Variants in AMPH observed in about 807,000 individuals in gnomAD.
The protein encoded by AMPH is amphiphysin (Stiff-Mann syndrome with breast cancer 128kD autoantigen).
Under a neutral mutation model 99.1 loss-of-function variants are expected in AMPH, and 49 were observed. The ratio of observed to expected loss-of-function variants is 0.49; its 90% confidence interval spans 0.39 to 0.63. The LOEUF (loss-of-function observed/expected upper bound fraction) is 0.63, where lower values mean the gene tolerates loss of function less well. AMPH is among the 20% of genes least tolerant of loss of function. The probability of loss-of-function intolerance (pLI) is 0.00; values close to 1 mark genes in which losing one functional copy is unlikely to be tolerated. For synonymous variants in AMPH, 314 were observed against 317.3 expected (o/e 0.99, Z 0.11); for missense variants, 759 against 863.4 (o/e 0.88, Z 1.52).
intron 2 of AMPH, among the ~76,000 whole-genome samples, chr7:38,517,112 T>C (rs2129032750): frequency 6.6e-6 from 1 of 152,344 alleles, no homozygotes; most frequent in South Asian, 2.1e-4. Context: ...TTTGAGTTAA[T>C]GCTGAAATGA....
intron 1 of AMPH, among the ~76,000 whole-genome samples, chr7:38,622,896 C>T (rs1794121482): frequency 7.9e-5 from 12 of 152,190 alleles, no homozygotes; most frequent in Admixed American, 7.9e-4. Flanking sequence ...AGGCTTCCAG[C>T]TCCTGCCTCC....
At chr7:38,501,450 G>A (rs941087172) in intron 3 of AMPH, among the ~76,000 whole-genome samples, 2 of 152,038 alleles carry the variant, frequency 1.3e-5, no homozygotes, top group African/African-American at 4.8e-5. Flanking sequence ...CTCCCAAAGT[G>A]CTCGGATTAA....
At chr7:38,616,878 T>C (rs1793891052) in intron 1 of AMPH, among the ~76,000 whole-genome samples, 1 of 152,070 alleles carries the variant, frequency 6.6e-6, no homozygotes, top group South Asian at 2.1e-4. Flanking sequence ...GGAAGAGGCA[T>C]GGAGGAGCTA....
chr7:38,441,835 C>CAT (rs1336300006), intron 11 of AMPH, among the ~76,000 whole-genome samples: 2,202 of 118,382 alleles, frequency 0.019, 73 homozygotes, highest in African/African-American at 0.051. Flanking sequence ...TCATATATAT[C>CAT]ATATATCATA....
chr7:38,541,934 A>C (rs571223058), intron 1 of AMPH, among the ~76,000 whole-genome samples: 1 of 152,228 alleles, frequency 6.6e-6, no homozygotes, highest in Non-Finnish European at 1.5e-5. Flanking sequence ...AGCACCTGCC[A>C]AGGCTGCTTT....
intron 17 of AMPH, among the ~76,000 whole-genome samples, chr7:38,400,038 G>T (rs1784798530): frequency 6.6e-6 from 1 of 152,078 alleles, no homozygotes; most frequent in South Asian, 2.1e-4. Context: ...GTAGGTGGTG[G>T]CTCTCTGCAC....
At chr7:38,442,022 A>G (rs889086132) in intron 11 of AMPH, among the ~76,000 whole-genome samples, 1 of 151,716 alleles carries the variant, frequency 6.6e-6, no homozygotes, top group Non-Finnish European at 1.5e-5. Context: ...CAAATACCAC[A>G]TGTTCTCACA....
chr7:38,571,890 T>C (rs1792055938), intron 1 of AMPH, among the ~76,000 whole-genome samples: 1 of 146,764 alleles, frequency 6.8e-6, no homozygotes, highest in African/African-American at 2.5e-5. Context: ...TCATGATAAG[T>C]ACCCTATACA....
intron 1 of AMPH, among the ~76,000 whole-genome samples, chr7:38,620,305 CAT>C (rs1463407756): frequency 6.7e-6 from 1 of 149,966 alleles, no homozygotes; most frequent in Non-Finnish European, 1.5e-5. Flanking sequence ...CCCCCGTGTA[CAT>C]TATATACCAA....
chr7:38,559,959 CA>C (rs976149684), intron 1 of AMPH, among the ~76,000 whole-genome samples: 1 of 152,162 alleles, frequency 6.6e-6, no homozygotes, highest in African/African-American at 2.4e-5. Context: ...TATGATAAAA[CA>C]AAAGTGGCAT....
chr7:38,610,345 AAAG>A (rs1312099213), intron 1 of AMPH, among the ~76,000 whole-genome samples: 18 of 46,378 alleles, frequency 3.9e-4, no homozygotes, highest in African/African-American at 2.0e-3. Context: ...AAAGAAAAGA[AAAG>A]AAAAGAAAAG....
At chr7:38,431,656 TAAA>T (rs76704369) in intron 13 of AMPH, among the ~76,000 whole-genome samples, 4 of 120,432 alleles carry the variant, frequency 3.3e-5, no homozygotes, top group African/African-American at 9.0e-5. Flanking sequence ...GACTCCGTCT[TAAA>T]AAAAAAAAAA....
At position 38,407,021 on chromosome 7, in the gene AMPH, C is replaced by CCTCTCTCTCTCTCTCTCTCTCTCT. The variant is rs71558121; in HGVS notation, c.1398+10780_1398+10803dup. On this transcript the variant is annotated intron_variant, in intron 17 of 20. Transcript: ENST00000356264. Reference sequence around the variant, plus strand: ...ATAAGCCAATTTTCCCTAATAGACTCCTCTCTCTCTCTCTCTCTCTCTCTC... The same window carrying CCTCTCTCTCTCTCTCTCTCTCTCT: ...ATAAGCCAATTTTCCCTAATAGACTCCTCTCTCTCTCTCTCTCTCTCTCTCTCTCTCTCTCTCTCTCTCTCTCTC... Among the ~76,000 whole-genome samples, 7 of 3,710 alleles carry CCTCTCTCTCTCTCTCTCTCTCTCT rather than the reference C, an allele frequency of 1.9e-3. 1 individual carries two copies. Among genetic ancestry groups the CCTCTCTCTCTCTCTCTCTCTCTCT allele is most frequent in the East Asian group, 0.025 (2 of 80 alleles). 2.4% of individuals were successfully genotyped at this position (3,710 alleles called of 152,430 possible).
At chr7:38,416,631 C>T (rs570871763) in intron 17 of AMPH, among the ~76,000 whole-genome samples, 3 of 152,220 alleles carry the variant, frequency 2.0e-5, no homozygotes, top group African/African-American at 7.2e-5. Flanking sequence ...AATTAAACTC[C>T]ATTTTTCCCT....
intron 17 of AMPH, among the ~76,000 whole-genome samples, chr7:38,407,011 C>A: frequency 1.4e-5 from 1 of 70,332 alleles, no homozygotes; most frequent in African/African-American, 5.4e-5. Context: ...CCAATTTTCC[C>A]TAATAGACTC....
chr7:38,394,965 T>A (rs759562450), intron 17 of AMPH, among the ~76,000 whole-genome samples: 3 of 152,206 alleles, frequency 2.0e-5, no homozygotes, highest in Non-Finnish European at 4.4e-5. Context: ...CAGATCCTCC[T>A]TTGACTCGTG....
intron 11 of AMPH, among the ~76,000 whole-genome samples, chr7:38,438,226 A>C (rs1786366963): frequency 6.6e-6 from 1 of 152,220 alleles, no homozygotes; most frequent in South Asian, 2.1e-4. Flanking sequence ...TGTTGACAAC[A>C]CTTTATTGCC....
At chr7:38,509,592 A>T (rs556027618) in intron 2 of AMPH, among the ~76,000 whole-genome samples, 1 of 152,356 alleles carries the variant, frequency 6.6e-6, no homozygotes, top group South Asian at 2.1e-4. Flanking sequence ...CAGACTGGAT[A>T]CAGCTGGAAG....
intron 19 of AMPH, among the ~76,000 whole-genome samples, chr7:38,390,961 C>CAGAGAGAGAGAGAGAG (rs199667568): frequency 7.7e-5 from 10 of 129,294 alleles, no homozygotes; most frequent in Non-Finnish European, 1.2e-4. Context: ...GAGACAAAGA[C>CAGAGAGAGAGAGAGAG]AGAGAGAGAG....
Sources: gnomAD v4.1 joint callset for allele counts (sites outside exome capture counted in the v4.1 genomes callset) on GRCh38, gnomAD v4.1.1 for gene constraint, MANE v1.5 for transcripts, NCBI Gene and HGNC (gene_info 2026-07-23, HGNC 2026-07-21) for gene names.